SRGAP2: variants seen among roughly 807,000 people sequenced by gnomAD.
SRGAP2 encodes the protein SLIT-ROBO Rho GTPase activating protein 2.
A neutral mutation model predicts 57.2 loss-of-function variants in SRGAP2; 15 were observed. The ratio of observed to expected loss-of-function variants is 0.26; its 90% CI spans 0.18 to 0.40. SRGAP2 has a LOEUF of 0.40. Among genes scored for constraint, SRGAP2 ranks in the 10% least tolerant of loss-of-function variants. The pLI, the probability that SRGAP2 is intolerant of heterozygous loss-of-function variation, is 1.00. For synonymous variants in SRGAP2, 249 were observed against 248.0 expected (o/e 1.00, Z -0.04); for missense variants, 520 against 669.6 (o/e 0.78, Z 2.47).
At chr1:206,432,587 A>G (rs1661370238) in intron 14 of SRGAP2, among the ~76,000 whole-genome samples, 3 of 152,242 alleles carry the variant, frequency 2.0e-5, no homozygotes, top group Non-Finnish European at 4.4e-5. Context: ...GGAGTACTAT[A>G]TAAGAATGAG....
At chr1:206,451,452 C>T (rs1663301027) in intron 19 of SRGAP2, among the ~76,000 whole-genome samples, 1 of 152,132 alleles carries the variant, frequency 6.6e-6, no homozygotes, top group Non-Finnish European at 1.5e-5. Flanking sequence ...CTGGAAGTCT[C>T]AGCAGCTGAC....
At chr1:206,251,660 G>A (rs1553311122) in intron 2 of SRGAP2, among the ~76,000 whole-genome samples, 1 of 148,562 alleles carries the variant, frequency 6.7e-6, no homozygotes, top group African/African-American at 2.5e-5. Context: ...GAGTAGCTGA[G>A]TTCAAACAAC....
At chr1:206,233,389 C>T (rs1667749772) in intron 2 of SRGAP2, among the ~76,000 whole-genome samples, 1 of 152,170 alleles carries the variant, frequency 6.6e-6, no homozygotes, top group African/African-American at 2.4e-5. Flanking sequence ...CCTGTCTGCT[C>T]TTGCTTCCTG....
At chr1:206,286,759 A>G (rs1214204814) in intron 2 of SRGAP2, among the ~76,000 whole-genome samples, 18,026 of 147,192 alleles carry the variant, frequency 0.12, 1,860 homozygotes, top group African/African-American at 0.3. Context: ...GTGGGGAAGT[A>G]TGCTTCCAGC....
intron 13 of SRGAP2, among the ~76,000 whole-genome samples, chr1:206,426,265 T>C (rs868923046): frequency 2.0e-5 from 3 of 152,244 alleles, no homozygotes; most frequent in African/African-American, 7.2e-5. Context: ...CTTAACACAG[T>C]GTCCTCCAGT....
In SRGAP2 at chr1:206,454,167, A is replaced by G; in HGVS notation, c.2361-711A>G. 2 of 702,236 alleles carry G rather than the reference A, an allele frequency of 2.8e-6. No individual in the cohort carries two copies. The highest frequency in any genetic ancestry group is 5.2e-6 in the Non-Finnish European group (2 of 384,934). The allele number at this position is 702,236 out of a possible 1,614,324, so 43.5% of individuals were successfully genotyped here. On this transcript the variant is annotated intron_variant, in intron 20 of 22. Transcript: ENST00000573034. The surrounding 1 kb of genome is among the most constrained non-coding windows in gnomAD (Gnocchi z 4.3). ...AGGTTGATATCCTGAGTGAGTCTGCACCCTCCCAGCCTCTTCCCGGCTCGT... is the reference window on the plus strand; with the variant it reads ...AGGTTGATATCCTGAGTGAGTCTGCGCCCTCCCAGCCTCTTCCCGGCTCGT...
At chr1:206,390,972 C>T (rs1202078329) in intron 5 of SRGAP2, among the ~76,000 whole-genome samples, 20 of 152,168 alleles carry the variant, frequency 1.3e-4, no homozygotes, top group Non-Finnish European at 2.1e-4. Context: ...TCTAGCTGAT[C>T]GTAGGGGCTA....
intron 2 of SRGAP2, among the ~76,000 whole-genome samples, chr1:206,283,600 C>T (rs1480375310): frequency 6.6e-6 from 1 of 150,554 alleles, no homozygotes; most frequent in Non-Finnish European, 1.5e-5. Context: ...TGCTTGAACC[C>T]AGGAGGCAGA....
rs3833477 is a variant in SRGAP2 at position 206,461,900 on chromosome 1, TACACACACACACACAC to T, written c.*494_*509del. On this transcript the variant is annotated 3_prime_UTR_variant, in exon 23 of 23. Coordinates refer to ENST00000573034, the MANE Select transcript of SRGAP2 (RefSeq NM_015326.5). ...ACATATTTTACACACACACACATTT[TACACACACACACACAC>T]ACACACACACACATATGTTTTTCTA... The T allele has an allele frequency of 2.0e-5, 3 of 151,652 alleles. No homozygotes were observed. The highest frequency in any genetic ancestry group is 4.9e-5 in the African/African-American group (2 of 40,948). 9.4% of individuals were successfully genotyped at this position (151,652 alleles called of 1,614,324 possible). A position where few individuals can be genotyped will look rare whatever the true frequency, so the allele number is the denominator to read the frequency against.
intron 3 of SRGAP2, among the ~76,000 whole-genome samples, chr1:206,340,004 G>T (rs1675061535): frequency 6.9e-6 from 1 of 145,762 alleles, no homozygotes; most frequent in Admixed American, 6.8e-5. Flanking sequence ...TGGCCAGGCT[G>T]GTCTTGAACT....
At chr1:206,347,934 C>T (rs1391864587) in intron 4 of SRGAP2, among the ~76,000 whole-genome samples, 1 of 151,890 alleles carries the variant, frequency 6.6e-6, no homozygotes, top group Non-Finnish European at 1.5e-5. Flanking sequence ...TCTGTGCCCC[C>T]TGTAAGAGGG....
chr1:206,249,447 C>T (rs1381335790), intron 2 of SRGAP2, among the ~76,000 whole-genome samples: 4 of 151,984 alleles, frequency 2.6e-5, no homozygotes, highest in Non-Finnish European at 5.9e-5. Flanking sequence ...TTTGCAGGGA[C>T]ATGGATGAAG....
chr1:206,447,252 C>T (rs79649920), intron 18 of SRGAP2, among the ~76,000 whole-genome samples: 1 of 152,266 alleles, frequency 6.6e-6, no homozygotes, highest in South Asian at 2.1e-4. Flanking sequence ...CAGCCCAAAT[C>T]GGATTCTGTC....
chr1:206,434,301 AAAAC>A (rs1553369283), intron 14 of SRGAP2, among the ~76,000 whole-genome samples: 1 of 152,208 alleles, frequency 6.6e-6, no homozygotes, highest in African/African-American at 2.4e-5. Context: ...AAAAAACAAA[AAAAC>A]AAACCGCCAT....
intron 10 of SRGAP2, among the ~76,000 whole-genome samples, chr1:206,415,034 C>G (rs1553361046): frequency 6.6e-6 from 1 of 152,230 alleles, no homozygotes; most frequent in Non-Finnish European, 1.5e-5. Flanking sequence ...CACTCACTAA[C>G]TGTTTGACCT....
At chr1:206,459,051 GTATGTGATA>G in intron 22 of SRGAP2, 104 bp downstream of exon 22, 1 of 631,634 alleles carries the variant, frequency 1.6e-6, no homozygotes, top group East Asian at 2.7e-5. Flanking sequence ...TGATTATTTT[GTATGTGATA>G]TACTGAGTAT....
chr1:206,309,187 C>A (rs1672442301), intron 3 of SRGAP2, among the ~76,000 whole-genome samples: 2 of 148,580 alleles, frequency 1.3e-5, no homozygotes, highest in Admixed American at 1.3e-4. Context: ...AAAAAAAAAT[C>A]CCTGGTTAAC....
intron 17 of SRGAP2, among the ~76,000 whole-genome samples, chr1:206,443,351 T>A (rs1558438988): frequency 1.3e-5 from 2 of 152,126 alleles, no homozygotes; most frequent in Non-Finnish European, 2.9e-5. Flanking sequence ...TTCTTTGTTT[T>A]TATTTTGTTG....
At chr1:206,229,858 G>A (rs1450764110) in intron 2 of SRGAP2, among the ~76,000 whole-genome samples, 17 of 151,244 alleles carry the variant, frequency 1.1e-4, no homozygotes, top group South Asian at 2.1e-4. Flanking sequence ...GGCTGTGGAG[G>A]CAGTCTACAA....
Sources: allele counts gnomAD v4.1 joint callset (sites outside exome capture counted in the v4.1 genomes callset), GRCh38; gene constraint gnomAD v4.1.1; non-coding constraint Gnocchi (gnomAD v3.1); transcripts MANE v1.5; gene names NCBI Gene and HGNC (gene_info 2026-07-23, HGNC 2026-07-21).